Variants in ATP11C observed in about 807,000 individuals in gnomAD.
ATP11C encodes the protein ATPase phospholipid transporting 11C (ATP11C blood group), also known as phospholipid-transporting ATPase IG.
A neutral mutation model predicts 97.4 loss-of-function variants in ATP11C; 36 were observed. The observed-to-expected ratio is 0.37, with a 90% confidence interval of 0.28 to 0.49. ATP11C has a LOEUF of 0.49. Ranked by LOEUF, ATP11C falls within the 20% of genes least tolerant of loss-of-function variation. The pLI, the probability that ATP11C is intolerant of heterozygous loss-of-function variation, is 0.98. For synonymous variants in ATP11C, 275 were observed against 290.9 expected (o/e 0.95, Z 0.56); for missense variants, 730 against 824.6 (o/e 0.89, Z 1.40).
chrX:139,787,388 C>A lies in ATP11C; in HGVS notation c.1521-144G>T, dbSNP rs1274048700. 5 of 398,757 alleles carry A rather than the reference C, an allele frequency of 1.3e-5. No homozygotes were observed. In the South Asian group the frequency reaches 2.3e-4, roughly 19 times the overall value. 32.9% of individuals were successfully genotyped at this position (398,757 alleles called of 1,213,427 possible). A position where few individuals can be genotyped will look rare whatever the true frequency, so the allele number is the denominator to read the frequency against. ...TCTCGGCTCACTGCAACCTTCACCT[C>A]CCAGTTTCAAGCGATTCTCCTGCCT... On this transcript the variant is annotated intron_variant, in intron 14 of 29. Transcript: ENST00000682941.
At chrX:139,914,760 C>T (rs1340015107) in intron 1 of ATP11C, among the ~76,000 whole-genome samples, 2 of 111,590 alleles carry the variant, frequency 1.8e-5, no homozygotes, top group Non-Finnish European at 1.9e-5. Context: ...TACCAGTCTT[C>T]AGACTGGAAC....
chrX:139,742,870 AAAAAAAATATATAT>A (rs1569425960), intron 26 of ATP11C, among the ~76,000 whole-genome samples: 1 of 23,937 alleles, frequency 4.2e-5, no homozygotes, highest in African/African-American at 1.6e-4. Context: ...AAATTAAAAA[AAAAAAAATATATAT>A]ATATATATAT....
In ATP11C at chrX:139,747,348, T is replaced by C. The variant is rs776051233; in HGVS notation, c.2829-1491A>G. 2.3e-4 allele frequency among the ~76,000 whole-genome samples: 26 copies of C among 111,388 alleles called. 1 individual carries two copies. The highest frequency in any genetic ancestry group is 4.7e-4 in the Non-Finnish European group (25 of 53,007). On this transcript the variant is annotated intron_variant, in intron 24 of 29. Transcript: ENST00000682941. ...GTGGGGGAAAAGAGCAGGAGCAGCA[T>C]GATATGTTGAATTATAGGTCAGGCT...
At chrX:139,847,412 T>C (rs1236829717) in intron 1 of ATP11C, among the ~76,000 whole-genome samples, 3 of 108,638 alleles carry the variant, frequency 2.8e-5, no homozygotes. Context: ...AGCTATGTCC[T>C]ATATGGCTGG....
intron 2 of ATP11C, among the ~76,000 whole-genome samples, chrX:139,822,120 A>G (rs965679265): frequency 2.7e-5 from 3 of 112,630 alleles, no homozygotes; most frequent in Non-Finnish European, 3.8e-5. Flanking sequence ...GAAAATGTGT[A>G]TAGCAGTTTT....
intron 19 of ATP11C, among the ~76,000 whole-genome samples, chrX:139,771,365 G>A (rs1038386632): frequency 1.8e-5 from 2 of 111,345 alleles, no homozygotes; most frequent in East Asian, 2.8e-4. Flanking sequence ...TCCCAGTCTC[G>A]GGTAAGTTTT....
chrX:139,905,133 T>C (rs899820207), intron 1 of ATP11C, among the ~76,000 whole-genome samples: 3 of 111,854 alleles, frequency 2.7e-5, no homozygotes, highest in Non-Finnish European at 5.6e-5. Context: ...CTACAAAATG[T>C]TGTGAAGTGA....
chrX:139,747,739 T>G (rs1374793741), intron 24 of ATP11C, among the ~76,000 whole-genome samples: 1 of 111,943 alleles, frequency 8.9e-6, no homozygotes, highest in Non-Finnish European at 1.9e-5. Flanking sequence ...TAATATTAAT[T>G]GGCATACTGT....
At chrX:139,802,140 T>A in intron 7 of ATP11C, 96 bp downstream of exon 7, 1 of 602,798 alleles carries the variant, frequency 1.7e-6, no homozygotes, top group Non-Finnish European at 2.8e-6. Flanking sequence ...CAAATGAGAG[T>A]AGGCTGGTAA....
chrX:139,802,315 T>A lies in ATP11C; in HGVS notation c.580A>T (p.Ile194Phe). 1 of 1,200,993 alleles carries A rather than the reference T, an allele frequency of 8.3e-7. No homozygotes were observed. Among genetic ancestry groups the A allele is most frequent in the Non-Finnish European group, 1.1e-6 (1 of 885,909 alleles). ...ATGGATTCTGCTGTACACAGTGCAA[T>A]GGTATCACGTACTGCATAATGTGTC... is the stretch of plus-strand genomic sequence containing the variant. ...CKTHYAVRDT[I>F]ALCTAESIDT... The change falls in exon 7 of 30, where the codon ATT becomes TTT. Residue 194 changes from isoleucine (I) to phenylalanine (F), a missense_variant. Transcript: ENST00000682941.
In ATP11C at chrX:139,898,394, T is replaced by C. The variant is rs180771984; in HGVS notation, c.27+33622A>G. Among the ~76,000 whole-genome samples, 181 of 111,866 alleles carry C rather than the reference T, an allele frequency of 1.6e-3. 1 individual carries two copies. Among genetic ancestry groups the C allele is most frequent in the African/African-American group, 5.4e-3 (166 of 30,799 alleles). Reference sequence around the variant, plus strand: ...AGCACAGTAGTGAAGCACAAACATATTTTAATAAAAACCATTTTAGCAAGT... The same window carrying C: ...AGCACAGTAGTGAAGCACAAACATACTTTAATAAAAACCATTTTAGCAAGT... On this transcript the variant is annotated intron_variant, in intron 1 of 29. Coordinates refer to ENST00000682941, the MANE Select transcript of ATP11C (RefSeq NM_001353812.2).
At chrX:139,744,110 C>T (rs1205067041) in intron 25 of ATP11C, among the ~76,000 whole-genome samples, 1 of 108,781 alleles carries the variant, frequency 9.2e-6, no homozygotes, top group African/African-American at 3.4e-5. Flanking sequence ...TCAGCATGTG[C>T]ACATCAAAAA....
intron 1 of ATP11C, among the ~76,000 whole-genome samples, chrX:139,845,961 G>T (rs1249291059): frequency 2.7e-5 from 3 of 112,260 alleles, no homozygotes; most frequent in Non-Finnish European, 5.6e-5. Context: ...CCACTATAGA[G>T]ATCGCTCAGA....
At chrX:139,788,073 T>G in intron 14 of ATP11C, 119 bp downstream of exon 14, 1 of 675,368 alleles carries the variant, frequency 1.5e-6, no homozygotes, top group South Asian at 4.3e-5. Flanking sequence ...GTTGTGTTTT[T>G]TATTAAATAA....
At chrX:139,743,992 T>C (rs1046855275) in intron 25 of ATP11C, among the ~76,000 whole-genome samples, 16 of 112,093 alleles carry the variant, frequency 1.4e-4, no homozygotes, top group African/African-American at 4.9e-4. Context: ...GATATGGGAT[T>C]TTCCTATAAT....
intron 1 of ATP11C, among the ~76,000 whole-genome samples, chrX:139,848,270 A>G (rs2147945582): frequency 9.0e-6 from 1 of 111,072 alleles, no homozygotes; most frequent in Non-Finnish European, 1.9e-5. Flanking sequence ...TATCATCCAC[A>G]TGCAACACCC....
At chrX:139,928,192 A>G (rs982873530) in intron 1 of ATP11C, among the ~76,000 whole-genome samples, 1 of 111,571 alleles carries the variant, frequency 9.0e-6, no homozygotes, top group Admixed American at 9.6e-5. Context: ...ACACAATATG[A>G]TTTAAAAAAA....
At chrX:139,913,923 G>A (rs1051215308) in intron 1 of ATP11C, among the ~76,000 whole-genome samples, 2 of 111,586 alleles carry the variant, frequency 1.8e-5, no homozygotes, top group Non-Finnish European at 3.8e-5. Context: ...CTATTAAAGG[G>A]GAAACTGAAA....
In ATP11C at chrX:139,796,540, GAATT is replaced by G. The variant is rs2082800786; in HGVS notation, c.1009-74_1009-71del. On this transcript the variant is annotated intron_variant, in intron 11 of 29. Transcript: ENST00000682941. ...ATCAGACCAATATAATATAAAGGAA[GAATT>G]AATTTCATCTTTATTTCAATGCTGA... The G allele has an allele frequency of 2.8e-5, 20 of 701,891 alleles. No homozygotes were observed. In the South Asian group the frequency reaches 4.0e-4, roughly 14 times the overall value. 57.8% of individuals were successfully genotyped at this position (701,891 alleles called of 1,213,427 possible).
Sources: allele counts gnomAD v4.1 joint callset (sites outside exome capture counted in the v4.1 genomes callset), GRCh38; gene constraint gnomAD v4.1.1; transcripts MANE v1.5; gene names NCBI Gene and HGNC (gene_info 2026-07-23, HGNC 2026-07-21).